Variants in FBXL7 observed in about 807,000 individuals in gnomAD.
The protein encoded by FBXL7 is F-box/LRR-repeat protein 7.
In FBXL7, 12 loss-of-function variants were observed where a neutral mutation model predicts 38.3. The ratio of observed to expected loss-of-function variants is 0.31; its 90% CI spans 0.20 to 0.51. FBXL7 has a LOEUF of 0.51. Among genes scored for constraint, FBXL7 ranks in the 20% least tolerant of loss-of-function variants. FBXL7 has a pLI of 0.98. For synonymous variants in FBXL7, 297 were observed against 300.9 expected (o/e 0.99, Z 0.13); for missense variants, 567 against 676.4 (o/e 0.84, Z 1.79).
chr5:15,593,323 A>G (rs1222173970), intron 1 of FBXL7, among the ~76,000 whole-genome samples: 3 of 152,090 alleles, frequency 2.0e-5, no homozygotes, highest in African/African-American at 7.2e-5. Context: ...CAGGAGTTCA[A>G]GACCTGCCTG....
Position 15,939,297 on chromosome 5 carries a change from C to T in FBXL7, c.*2111C>T. ...ATTCCTCAGCTCTGTGACTTGTGAC[C>T]CTATTTGAAGTTTCAGGATTTGGGT... On this transcript the variant is annotated 3_prime_UTR_variant, in exon 4 of 4. Coordinates refer to ENST00000504595, the MANE Select transcript of FBXL7 (RefSeq NM_012304.5). The T allele has an allele frequency of 5.5e-6, 2 of 362,866 alleles. No homozygotes were observed. Among genetic ancestry groups the T allele is most frequent in the East Asian group, 4.0e-5 (1 of 25,022 alleles). 22.5% of individuals were successfully genotyped at this position (362,866 alleles called of 1,614,324 possible). A position where few individuals can be genotyped will look rare whatever the true frequency, so the allele number is the denominator to read the frequency against.
At chr5:15,768,571 A>G (rs527372748) in intron 2 of FBXL7, among the ~76,000 whole-genome samples, 1 of 152,246 alleles carries the variant, frequency 6.6e-6, no homozygotes, top group Non-Finnish European at 1.5e-5. Context: ...TGCCACTGAT[A>G]TACAAACAGC....
At chr5:15,529,552 A>T (rs1737359763) in intron 1 of FBXL7, among the ~76,000 whole-genome samples, 2 of 151,784 alleles carry the variant, frequency 1.3e-5, no homozygotes, top group South Asian at 2.1e-4. Flanking sequence ...TGCCCGGCTA[A>T]TTTTTTTGTA....
At chr5:15,652,605 G>A (rs1741748053) in intron 2 of FBXL7, among the ~76,000 whole-genome samples, 1 of 152,196 alleles carries the variant, frequency 6.6e-6, no homozygotes. Context: ...GCTAACAGGA[G>A]GCCTAGCTTT....
At chr5:15,722,930 C>CAAAAAAACCA (rs1744241273) in intron 2 of FBXL7, among the ~76,000 whole-genome samples, 1 of 142,080 alleles carries the variant, frequency 7.0e-6, no homozygotes, top group East Asian at 2.0e-4. Flanking sequence ...TCAAAAAAAA[C>CAAAAAAACCA]AAAAAAAAAA....
At chr5:15,727,219 GA>G (rs201912338) in intron 2 of FBXL7, among the ~76,000 whole-genome samples, 66 of 149,892 alleles carry the variant, frequency 4.4e-4, no homozygotes, top group African/African-American at 1.4e-3. Flanking sequence ...CTTAAATTAA[GA>G]AAAAAAAATG....
At chr5:15,528,996 C>T (rs1737338390) in intron 1 of FBXL7, among the ~76,000 whole-genome samples, 1 of 152,102 alleles carries the variant, frequency 6.6e-6, no homozygotes, top group African/African-American at 2.4e-5. Context: ...CTGTGGTAAC[C>T]ATGTTGTACG....
intron 2 of FBXL7, among the ~76,000 whole-genome samples, chr5:15,641,592 C>T (rs184368176): frequency 4.0e-5 from 6 of 151,044 alleles, no homozygotes; most frequent in Admixed American, 1.3e-4. Flanking sequence ...AATATGATGT[C>T]GGGGTGTGTC....
At chr5:15,927,195 C>T (rs965272615) in intron 2 of FBXL7, among the ~76,000 whole-genome samples, 4 of 152,048 alleles carry the variant, frequency 2.6e-5, no homozygotes, top group African/African-American at 9.7e-5. Context: ...CAGCCACGCT[C>T]CTTTGTTTAC....
At chr5:15,868,658 T>C (rs1388609018) in intron 2 of FBXL7, among the ~76,000 whole-genome samples, 1 of 152,160 alleles carries the variant, frequency 6.6e-6, no homozygotes, top group East Asian at 1.9e-4. Flanking sequence ...ATATGAATTT[T>C]CACCTCCACC....
In FBXL7 at chr5:15,595,903, G is replaced by T. The variant is rs1048292468; in HGVS notation, c.38-20080G>T. ...GTCCTTACCTTAGTTTCTTCATGAG[G>T]TCAATGAGAGTAGTCCCAGGGGTCC... is the stretch of plus-strand genomic sequence containing the variant. On this transcript the variant is annotated intron_variant, in intron 1 of 3. Transcript: ENST00000504595. 2.6e-5 allele frequency among the ~76,000 whole-genome samples: 4 copies of T among 152,252 alleles called. No individual in the cohort carries two copies. The East Asian group carries it at 7.7e-4, about 29-fold the overall frequency.
chr5:15,634,513 G>GC (rs911668552), intron 2 of FBXL7, among the ~76,000 whole-genome samples: 4 of 149,466 alleles, frequency 2.7e-5, no homozygotes, highest in African/African-American at 5.0e-5. Context: ...GTTGGGGGGG[G>GC]GGTTTACCCT....
chr5:15,859,066 C>A (rs1333613791), intron 2 of FBXL7, among the ~76,000 whole-genome samples: 1 of 152,110 alleles, frequency 6.6e-6, no homozygotes, highest in Non-Finnish European at 1.5e-5. Flanking sequence ...CGATCAAGTG[C>A]TAGACAGAGA....
At chr5:15,548,903 G>A (rs960665749) in intron 1 of FBXL7, among the ~76,000 whole-genome samples, 4 of 152,166 alleles carry the variant, frequency 2.6e-5, no homozygotes, top group South Asian at 2.1e-4. Context: ...TGTGTTTGGT[G>A]GGCACGGGGG....
At position 15,720,550 on chromosome 5, in the gene FBXL7, GT is replaced by G. The variant is rs955144245; in HGVS notation, c.127+104481del. 5.4e-5 allele frequency among the ~76,000 whole-genome samples: 8 copies of G among 148,678 alleles called. 1 individual carries two copies. Among genetic ancestry groups the G allele is most frequent in the Non-Finnish European group, 9.0e-5 (6 of 66,596 alleles). ...TGAATAACTTACTAAAACTTTATGT[GT>G]TTAAATTGTATCTAATTTTGCATTT... On this transcript the variant is annotated intron_variant, in intron 2 of 3. Transcript: ENST00000504595.
chr5:15,704,000 G>T (rs1261877294), intron 2 of FBXL7, among the ~76,000 whole-genome samples: 1 of 152,192 alleles, frequency 6.6e-6, no homozygotes, highest in East Asian at 1.9e-4. Context: ...TTAGTAGAGG[G>T]CTGGTAATTG....
At chr5:15,612,111 G>A (rs1475444852) in intron 1 of FBXL7, among the ~76,000 whole-genome samples, 1 of 151,984 alleles carries the variant, frequency 6.6e-6, no homozygotes, top group Non-Finnish European at 1.5e-5. Flanking sequence ...CTCCTAAGGG[G>A]ACACAATCCA....
intron 2 of FBXL7, among the ~76,000 whole-genome samples, chr5:15,654,865 A>G (rs531175230): frequency 6.6e-6 from 1 of 152,234 alleles, no homozygotes; most frequent in Non-Finnish European, 1.5e-5. Context: ...TTATATATAC[A>G]TGTGGGTTCT....
intron 2 of FBXL7, among the ~76,000 whole-genome samples, chr5:15,636,569 A>G (rs1741193109): frequency 6.6e-6 from 1 of 152,184 alleles, no homozygotes; most frequent in Admixed American, 6.5e-5. Flanking sequence ...GAAAAAGTAG[A>G]TTAAAGCAGG....
Sources: gnomAD v4.1 joint callset for allele counts (sites outside exome capture counted in the v4.1 genomes callset) on GRCh38, gnomAD v4.1.1 for gene constraint, MANE v1.5 for transcripts, NCBI Gene and HGNC (gene_info 2026-07-23, HGNC 2026-07-21) for gene names.